The following SOX5 variants were observed in gnomAD, a reference collection of about 807,000 sequenced individuals.
SOX5 encodes the protein transcription factor SOX-5.
In SOX5, 9 loss-of-function variants were observed where a neutral mutation model predicts 92.0. That is an observed-to-expected ratio of 0.10 (90% CI 0.06 to 0.17). SOX5 has a LOEUF of 0.17. Among genes scored for constraint, SOX5 ranks in the 10% least tolerant of loss-of-function variants. The probability of loss-of-function intolerance (pLI) is 1.00; values close to 1 mark genes in which losing one functional copy is unlikely to be tolerated. For synonymous variants in SOX5, 344 were observed against 336.3 expected, an observed-to-expected ratio of 1.02 and a Z score of -0.25; for missense variants, 642 against 944.5, an observed-to-expected ratio of 0.68 and a Z score of 4.20.
At chr12:24,213,182 C>T (rs1376897061) in intron 4 of SOX5, among the ~76,000 whole-genome samples, 1 of 151,550 alleles carries the variant, frequency 6.6e-6, no homozygotes, top group South Asian at 2.1e-4. Flanking sequence ...AAGGAAGATG[C>T]CCAAATGCTC....
chr12:23,958,700 A>G lies in SOX5; in HGVS notation c.-1-62676T>C, dbSNP rs1253410722. On this transcript the variant is annotated intron_variant, in intron 4 of 4. Transcript: ENST00000446891. ...AATAAAATTATAAAAGTGTTATTTT[A>G]TAAACAAAATTATGTGGGGATTTTA... is the stretch of plus-strand genomic sequence containing the variant. 4.3e-5 allele frequency among the ~76,000 whole-genome samples: 6 copies of G among 139,418 alleles called. No individual in the cohort carries two copies. In the Admixed American group the frequency reaches 4.7e-4, roughly 11 times the overall value. The allele number at this position is 139,418 out of a possible 152,430, so 91.5% of individuals were successfully genotyped here.
chr12:23,991,190 C>CAA (rs35062844), intron 4 of SOX5, among the ~76,000 whole-genome samples: 37 of 141,678 alleles, frequency 2.6e-4, no homozygotes, highest in East Asian at 2.3e-3. Flanking sequence ...CCCGTCTCTG[C>CAA]AAAAAAAAAA....
At chr12:23,746,058 A>G (rs2093973406) in intron 4 of SOX5, among the ~76,000 whole-genome samples, 1 of 152,188 alleles carries the variant, frequency 6.6e-6, no homozygotes. Flanking sequence ...AGTTGAGCCA[A>G]AAAAATAAGC....
At position 24,085,633 on chromosome 12, in the gene SOX5, A is replaced by T. The variant is rs1448412036; in HGVS notation, c.-2+127710T>A. 2.0e-5 allele frequency among the ~76,000 whole-genome samples: 3 copies of T among 152,084 alleles called. No individual in the cohort carries two copies. The East Asian group carries it at 5.8e-4, about 29-fold the overall frequency. On this transcript the variant is annotated intron_variant, in intron 4 of 4. Transcript: ENST00000446891. ...TCCCACATACACCTTAGAAACTACT[A>T]TTTTCTTATGTAATTACTTCCTAAT...
At position 23,627,004 on chromosome 12, in the gene SOX5, A is replaced by C. The variant is rs180874834; in HGVS notation, c.1017+13808T>G. 2.6e-5 allele frequency among the ~76,000 whole-genome samples: 4 copies of C among 152,252 alleles called. No homozygotes were observed. In the East Asian group the frequency reaches 5.8e-4, roughly 22 times the overall value. ...TGCTGTATTTGTAGAGCAATATGGG[A>C]GGTTAGAATGGATCATCATAGGTAG... On this transcript the variant is annotated intron_variant, in intron 8 of 14. Transcript: ENST00000451604.
intron 6 of SOX5, among the ~76,000 whole-genome samples, chr12:23,694,881 G>T (rs2089524988): frequency 6.6e-6 from 1 of 152,152 alleles, no homozygotes; most frequent in African/African-American, 2.4e-5. Context: ...CACTTTGGGA[G>T]GCCAAGGCAG....
At chr12:24,358,814 T>C (rs958007665) in intron 2 of SOX5, among the ~76,000 whole-genome samples, 3 of 152,232 alleles carry the variant, frequency 2.0e-5, no homozygotes, top group Non-Finnish European at 4.4e-5. Flanking sequence ...CTATTTGCTA[T>C]CTAAATCATT....
At chr12:23,615,473 A>T (rs2076447031) in intron 8 of SOX5, among the ~76,000 whole-genome samples, 1 of 151,766 alleles carries the variant, frequency 6.6e-6, no homozygotes, top group African/African-American at 2.4e-5. Context: ...CCCAATTGTT[A>T]TTTTTTTCTG....
chr12:23,594,753 T>C (rs1289058395), intron 9 of SOX5, among the ~76,000 whole-genome samples: 2 of 152,116 alleles, frequency 1.3e-5, no homozygotes, highest in Non-Finnish European at 2.9e-5. Context: ...CCTGACTCTT[T>C]ATCATTCTCC....
chr12:23,851,784 C>T (rs2096636560), intron 2 of SOX5, among the ~76,000 whole-genome samples: 3 of 151,470 alleles, frequency 2.0e-5, no homozygotes, highest in Admixed American at 2.0e-4. Flanking sequence ...CTGATAATAC[C>T]TTTGTAAAAC....
chr12:23,770,901 G>A (rs1795936741), intron 3 of SOX5, among the ~76,000 whole-genome samples: 1 of 152,088 alleles, frequency 6.6e-6, no homozygotes, highest in East Asian at 1.9e-4. Context: ...TGGGGTGCTT[G>A]TTTTATAAAG....
chr12:24,204,309 A>G (rs1391255951), intron 4 of SOX5, among the ~76,000 whole-genome samples: 1 of 145,314 alleles, frequency 6.9e-6, no homozygotes, highest in Non-Finnish European at 1.5e-5. Flanking sequence ...TTATTTTTCC[A>G]TTATTATTAT....
intron 1 of SOX5, among the ~76,000 whole-genome samples, chr12:24,410,384 C>T (rs1963861575): frequency 1.3e-5 from 2 of 152,114 alleles, no homozygotes; most frequent in African/African-American, 2.4e-5. Context: ...AATGCTTTGT[C>T]CAGACCTAGT....
At chr12:23,941,113 A>G (rs908918278) in intron 1 of SOX5, among the ~76,000 whole-genome samples, 1 of 151,528 alleles carries the variant, frequency 6.6e-6, no homozygotes, top group African/African-American at 2.4e-5. Context: ...ATTTGGCAGG[A>G]TTCATTCAAG....
At chr12:23,633,734 G>A (rs1310381905) in intron 8 of SOX5, among the ~76,000 whole-genome samples, 1 of 152,014 alleles carries the variant, frequency 6.6e-6, no homozygotes, top group Non-Finnish European at 1.5e-5. Flanking sequence ...ATTTACTTCA[G>A]TATTGTATTG....
chr12:23,627,432 T>C (rs1190255926), intron 8 of SOX5, among the ~76,000 whole-genome samples: 1 of 152,174 alleles, frequency 6.6e-6, no homozygotes, highest in Non-Finnish European at 1.5e-5. Context: ...TAAACCTTTA[T>C]ACTGCAGAAT....
intron 1 of SOX5, among the ~76,000 whole-genome samples, chr12:24,474,991 C>T (rs1235683213): frequency 1.3e-5 from 2 of 152,100 alleles, no homozygotes; most frequent in African/African-American, 4.8e-5. Context: ...GCTGGGATTA[C>T]AGGCACACAC....
At chr12:24,380,662 C>T (rs1026026849) in intron 1 of SOX5, among the ~76,000 whole-genome samples, 24 of 152,078 alleles carry the variant, frequency 1.6e-4, no homozygotes, top group African/African-American at 5.6e-4. Flanking sequence ...TAAACTCCAT[C>T]GCTGGGCTGA....
In SOX5 at chr12:24,517,372, A is replaced by T. The variant is rs368706798; in HGVS notation, c.-251+44957T>A. Among the ~76,000 whole-genome samples the T allele has an allele frequency of 1.8e-4, 27 of 152,314 alleles. No homozygotes were observed. In the South Asian group the frequency reaches 5.6e-3, roughly 32 times the overall value. On this transcript the variant is annotated intron_variant, in intron 1 of 4. Coordinates refer to the SOX5 transcript ENST00000446891. ...TGCTGGGTGTGGTGCTTACATCCAC[A>T]TCAAGAGGCACAGAGTCAAAAAGCA...
Sources: allele counts gnomAD v4.1 joint callset (sites outside exome capture counted in the v4.1 genomes callset), GRCh38; gene constraint gnomAD v4.1.1; transcripts MANE v1.5; gene names NCBI Gene and HGNC (gene_info 2026-07-23, HGNC 2026-07-21).